Variants in KANK1 observed in about 807,000 individuals in gnomAD.
The protein encoded by KANK1 is KN motif and ankyrin repeat domains 1, also known as KN motif and ankyrin repeat domain-containing protein 1.
Under a neutral mutation model 106.2 loss-of-function variants are expected in KANK1, and 109 were observed. The ratio of observed to expected loss-of-function variants is 1.03; its 90% CI spans 0.88 to 1.20. The LOEUF (loss-of-function observed/expected upper bound fraction) is 1.20, where lower values mean the gene tolerates loss of function less well. KANK1 is among the 50% of genes most tolerant of loss of function. KANK1 has a pLI of 0.00. For synonymous variants in KANK1, 873 were observed against 652.2 expected, an observed-to-expected ratio of 1.34 and a Z score of -5.16; for missense variants, 2,399 against 1,710.7, an observed-to-expected ratio of 1.40 and a Z score of -7.10.
rs1587220816 is a variant in KANK1 at position 485,443 on chromosome 9, C to G, written c.-362+12170C>G. On this transcript the variant is annotated intron_variant, in intron 3 of 15. Coordinates refer to the KANK1 transcript ENST00000382303. ...TATAATCACAAAAAGATCTCTTGTG[C>G]CATTTGTAGGTACAAGGAAACTTTA... Among the ~76,000 whole-genome samples, 3 of 152,190 alleles carry G rather than the reference C, an allele frequency of 2.0e-5. No individual in the cohort carries two copies. The East Asian group carries it at 5.8e-4, about 29-fold the overall frequency.
At chr9:692,102 C>CAG (rs4024265) in intron 2 of KANK1, among the ~76,000 whole-genome samples, 109,444 of 151,698 alleles carry the variant, frequency 0.72, 39,990 homozygotes, top group Middle Eastern at 0.82. Flanking sequence ...AAATTCAAAA[C>CAG]GGGACAGCTG....
At chr9:575,209 A>G (rs1820224795) in intron 1 of KANK1, among the ~76,000 whole-genome samples, 1 of 152,270 alleles carries the variant, frequency 6.6e-6, no homozygotes, top group Non-Finnish European at 1.5e-5. Context: ...AAAACTGCAT[A>G]GTAATAACCT....
chr9:714,361 A>ATTTTT (rs33935286), intron 3 of KANK1, among the ~76,000 whole-genome samples: 5 of 128,826 alleles, frequency 3.9e-5, no homozygotes, highest in African/African-American at 6.0e-5. Context: ...TTTCCCACTC[A>ATTTTT]TTTTTTTTTT....
At chr9:680,293 C>T (rs1009077212) in intron 2 of KANK1, among the ~76,000 whole-genome samples, 1 of 152,066 alleles carries the variant, frequency 6.6e-6, no homozygotes, top group East Asian at 1.9e-4. Flanking sequence ...AAAATACATC[C>T]GACGACTGAT....
At position 564,479 on chromosome 9, in the gene KANK1, A is replaced by G. The variant is rs1052525020; in HGVS notation, c.-84+59725A>G. Among the ~76,000 whole-genome samples, 4 of 152,338 alleles carry G rather than the reference A, an allele frequency of 2.6e-5. No individual in the cohort carries two copies. The South Asian group carries it at 8.3e-4, about 32-fold the overall frequency. On this transcript the variant is annotated intron_variant, in intron 1 of 11. Coordinates refer to ENST00000382297, the MANE Select transcript of KANK1 (RefSeq NM_015158.5). Reference sequence around the variant, plus strand: ...ACGTAGACACCTAGTTATAAATTATATACGTGTACATATCTCTATTGAGGA... The same window carrying G: ...ACGTAGACACCTAGTTATAAATTATGTACGTGTACATATCTCTATTGAGGA...
At chr9:646,708 T>A (rs937280117) in intron 1 of KANK1, among the ~76,000 whole-genome samples, 1 of 149,386 alleles carries the variant, frequency 6.7e-6, no homozygotes, top group Non-Finnish European at 1.5e-5. Flanking sequence ...TTTTTTTTTT[T>A]AAAGACAGTC....
At chr9:696,608 C>T (rs1042669901) in intron 2 of KANK1, among the ~76,000 whole-genome samples, 4 of 152,056 alleles carry the variant, frequency 2.6e-5, no homozygotes, top group Admixed American at 6.5e-5. Flanking sequence ...TTTCTCAGTA[C>T]GTTGAGGTTT....
chr9:677,001 G>A lies in KANK1; in HGVS notation c.29G>A (p.Ser10Asn), dbSNP rs781523271. The change falls in exon 2 of 12, where the codon AGT (serine) becomes AAT (asparagine). Residue 10 changes from serine to asparagine, a missense_variant. By Grantham distance (46) the Ser-to-Asn change is conservative. Coordinates refer to ENST00000382297, the MANE Select transcript of KANK1 (RefSeq NM_015158.5). MAHTTKVNG[S>N]ASGKAGDILS... ...GCTCACACCACAAAGGTTAACGGCA[G>A]TGCCTCAGGTAACCCTGTGCTCTGG... is the stretch of plus-strand genomic sequence containing the variant. 6.2e-7 allele frequency: 1 copy of A among 1,613,748 alleles called. No individual in the cohort carries two copies. The highest frequency in any genetic ancestry group is 2.2e-5 in the East Asian group (1 of 44,870).
intron 8 of KANK1, among the ~76,000 whole-genome samples, chr9:739,291 C>G (rs73376604): frequency 0.029 from 4,358 of 152,238 alleles, 163 homozygotes; most frequent in African/African-American, 0.085. Context: ...ACAGAGAAGT[C>G]AGAGTATCTC....
intron 1 of KANK1, among the ~76,000 whole-genome samples, chr9:564,718 C>T (rs1438145439): frequency 6.6e-6 from 1 of 152,252 alleles, no homozygotes; most frequent in Non-Finnish European, 1.5e-5. Flanking sequence ...CACCTCCTAA[C>T]ACTCTTTCAG....
chr9:670,949 G>GTTTTTTGT (rs1845739347), intron 1 of KANK1, among the ~76,000 whole-genome samples: 3 of 103,044 alleles, frequency 2.9e-5, no homozygotes, highest in African/African-American at 6.6e-5. Context: ...GTCTGCTGGA[G>GTTTTTTGT]TTTTTTTTTT....
rs1047244197 is a variant in KANK1 at position 519,933 on chromosome 9, C to T, written c.-84+15179C>T. ...AACAGCTTTAAAAATGAAGTGGTTT[C>T]ATTACTCATATTAGTCTAGTTATGC... On this transcript the variant is annotated intron_variant, in intron 1 of 11. Transcript: ENST00000382297. Among the ~76,000 whole-genome samples, 12 of 151,844 alleles carry T rather than the reference C, an allele frequency of 7.9e-5. 1 individual carries two copies. The highest frequency in any genetic ancestry group is 2.9e-4 in the African/African-American group (12 of 41,114).
intron 1 of KANK1, among the ~76,000 whole-genome samples, chr9:602,818 A>G (rs1828105353): frequency 6.6e-6 from 1 of 151,896 alleles, no homozygotes; most frequent in African/African-American, 2.4e-5. Context: ...TAGTTCTTGC[A>G]AAATAGATCT....
Position 711,639 on chromosome 9 carries a change from C to A in KANK1, c.873C>A (p.Ile291=), listed in dbSNP as rs757205666. 6.2e-7 allele frequency: 1 copy of A among 1,614,118 alleles called. No homozygotes were observed. The highest frequency in any genetic ancestry group is 8.5e-7 in the Non-Finnish European group (1 of 1,180,010). Reference sequence around the variant, plus strand: ...CCATCCCTGTGCTCCAGGTAAAGATCTCTGTCTTGCAAGAAGAGAAAAGGC... The same window carrying A: ...CCATCCCTGTGCTCCAGGTAAAGATATCTGTCTTGCAAGAAGAGAAAAGGC... ...VRTIPVLQVK[I]SVLQEEKRQL... Residue 291 remains isoleucine (I), a synonymous_variant, in exon 3 of 12, where the codon ATC becomes ATA. Transcript: ENST00000382297.
At chr9:521,277 TCA>T (rs2059537498) in intron 1 of KANK1, among the ~76,000 whole-genome samples, 1 of 151,712 alleles carries the variant, frequency 6.6e-6, no homozygotes, top group South Asian at 2.1e-4. Context: ...ATGTTCACCC[TCA>T]CACTCCTTTT....
In KANK1 at chr9:655,231, C is replaced by T. The variant is rs1431683567; in HGVS notation, c.-83-21659C>T. On this transcript the variant is annotated intron_variant, in intron 1 of 11. Coordinates refer to ENST00000382297, the MANE Select transcript of KANK1 (RefSeq NM_015158.5). ...CTAAAAATACAAGAAATTAGTCGGG[C>T]ATGATGGCACACGCTTGTAATCCCA... is the stretch of plus-strand genomic sequence containing the variant. Among the ~76,000 whole-genome samples, 3 of 151,936 alleles carry T rather than the reference C, an allele frequency of 2.0e-5. No individual in the cohort carries two copies. The East Asian group carries it at 5.8e-4, about 29-fold the overall frequency.
rs1478496251 is a variant in KANK1, at chr9:615,654, T to C, written c.-83-61236T>C. Among the ~76,000 whole-genome samples the C allele has an allele frequency of 2.0e-5, 3 of 152,314 alleles. No homozygotes were observed. The East Asian group carries it at 5.8e-4, about 29-fold the overall frequency. On this transcript the variant is annotated intron_variant, in intron 1 of 11. Transcript: ENST00000382297. ...ATTAATTGGTGTGCTTTCAGTTTATTTTCCCTGGTTGGTCTTTGCATTTGT... is the reference window on the plus strand; with the variant it reads ...ATTAATTGGTGTGCTTTCAGTTTATCTTCCCTGGTTGGTCTTTGCATTTGT...
At chr9:535,518 C>T (rs2060256838) in intron 1 of KANK1, among the ~76,000 whole-genome samples, 3 of 152,176 alleles carry the variant, frequency 2.0e-5, no homozygotes, top group South Asian at 4.1e-4. Context: ...CTCCAAGTGA[C>T]GTTCAGAGAG....
upstream of KANK1, chr9:504,591 T>A (rs1228263486): frequency 6.6e-6 from 1 of 151,450 alleles, no homozygotes; most frequent in Non-Finnish European, 1.5e-5. Flanking sequence ...GGCTTGCTGG[T>A]CCGCCCCGGC....
Sources: allele counts gnomAD v4.1 joint callset (sites outside exome capture counted in the v4.1 genomes callset), GRCh38; gene constraint gnomAD v4.1.1; transcripts MANE v1.5; gene names NCBI Gene and HGNC (gene_info 2026-07-23, HGNC 2026-07-21).